The following LCLAT1 variants were observed in gnomAD, a reference collection of about 807,000 sequenced individuals.
LCLAT1 encodes 1-AGP acyltransferase 8.
LCLAT1 carries 11 observed loss-of-function variants against 30.7 expected under a neutral mutation model. That is an observed-to-expected ratio of 0.36 (90% CI 0.23 to 0.59). The LOEUF is 0.59. LCLAT1 is among the 20% of genes least tolerant of loss of function. LCLAT1 has a pLI of 0.77. For missense variants in LCLAT1, 402 were observed against 458.6 expected (o/e 0.88, Z 1.13); for synonymous variants, 155 against 151.3 (o/e 1.02, Z -0.18).
At chr2:30,629,514 C>T (rs757734333) in intron 5 of LCLAT1, among the ~76,000 whole-genome samples, 3 of 152,066 alleles carry the variant, frequency 2.0e-5, no homozygotes, top group Non-Finnish European at 2.9e-5. Flanking sequence ...GAGCTGAGAT[C>T]GCGCCATTGC....
chr2:30,601,927 T>G (rs1667207082), intron 5 of LCLAT1, among the ~76,000 whole-genome samples: 1 of 146,102 alleles, frequency 6.8e-6, no homozygotes, highest in Non-Finnish European at 1.5e-5. Flanking sequence ...TATAAAAACT[T>G]CAAAACAGTC....
chr2:30,509,167 G>C (rs1684818159), intron 1 of LCLAT1, among the ~76,000 whole-genome samples: 1 of 152,044 alleles, frequency 6.6e-6, no homozygotes, highest in South Asian at 2.1e-4. Flanking sequence ...GGAGTTTTTG[G>C]GCCAAGACTT....
At chr2:30,589,476 A>G (rs1439757115) in intron 5 of LCLAT1, among the ~76,000 whole-genome samples, 1 of 152,124 alleles carries the variant, frequency 6.6e-6, no homozygotes, top group Non-Finnish European at 1.5e-5. Context: ...AAAAAAAAAA[A>G]AGGAGAGAAA....
At chr2:30,632,273 TAAAA>T (rs1220595926) in intron 5 of LCLAT1, among the ~76,000 whole-genome samples, 2 of 152,144 alleles carry the variant, frequency 1.3e-5, no homozygotes, top group Admixed American at 1.3e-4. Context: ...CTTGACTTAA[TAAAA>T]AACAACAACA....
At chr2:30,588,933 A>G (rs1666564997) in intron 5 of LCLAT1, among the ~76,000 whole-genome samples, 1 of 152,228 alleles carries the variant, frequency 6.6e-6, no homozygotes, top group African/African-American at 2.4e-5. Context: ...GCTGTAATGA[A>G]TTAATAAAAG....
intron 5 of LCLAT1, among the ~76,000 whole-genome samples, chr2:30,572,491 A>T (rs1665821758): frequency 6.6e-6 from 1 of 152,196 alleles, no homozygotes; most frequent in Admixed American, 6.5e-5. Context: ...TTCTTTCACC[A>T]TTCATACGTA....
intron 3 of LCLAT1, among the ~76,000 whole-genome samples, chr2:30,534,156 G>A (rs760927374): frequency 1.3e-5 from 2 of 151,838 alleles, no homozygotes; most frequent in Admixed American, 1.3e-4. Flanking sequence ...TGAGGGCAAA[G>A]GGCAGGCCCT....
Position 30,568,177 on chromosome 2 carries a change from G to T in LCLAT1, c.628+1G>T, listed in dbSNP as rs764194047. ...TTTGTGGTAGACCGTCTAAGAGAAG[G>T]TAAGCACCCATTTCAAAATGTACTT... is the stretch of plus-strand genomic sequence containing the variant. On this transcript the variant is annotated splice_donor_variant, in intron 5 of 5. Coordinates refer to ENST00000379509, the MANE Select transcript of LCLAT1 (RefSeq NM_001002257.3). LOFTEE classifies it high-confidence loss of function. 1 of 1,502,350 alleles carries T rather than the reference G, an allele frequency of 6.7e-7. No homozygotes were observed. Among genetic ancestry groups the T allele is most frequent in the Non-Finnish European group, 9.1e-7 (1 of 1,096,954 alleles). 93.1% of individuals were successfully genotyped at this position (1,502,350 alleles called of 1,614,324 possible). A position where few individuals can be genotyped will look rare whatever the true frequency, so the allele number is the denominator to read the frequency against.
intron 1 of LCLAT1, among the ~76,000 whole-genome samples, chr2:30,471,699 T>G (rs1321661300): frequency 6.6e-6 from 1 of 152,238 alleles, no homozygotes; most frequent in Admixed American, 6.5e-5. Flanking sequence ...TACTGGTGCG[T>G]AGAAACATAG....
Position 30,500,333 on chromosome 2 carries a change from C to T in LCLAT1, c.-4-25254C>T, listed in dbSNP as rs575710092. Among the ~76,000 whole-genome samples, 21 of 152,166 alleles carry T rather than the reference C, an allele frequency of 1.4e-4. No homozygotes were observed. In the East Asian group the frequency reaches 3.7e-3, roughly 27 times the overall value. On this transcript the variant is annotated intron_variant, in intron 1 of 5. Transcript: ENST00000379509. ...TCAGTACTTCATGGTTTTTTTGACT[C>T]AGGTTAGAGTTGTTTTGTAGAATAG...
chr2:30,448,370 G>C (rs192477074), intron 1 of LCLAT1, among the ~76,000 whole-genome samples: 1 of 152,206 alleles, frequency 6.6e-6, no homozygotes, highest in South Asian at 2.1e-4. Flanking sequence ...TTTTTTGAGA[G>C]TAAGTAAAAA....
At chr2:30,620,208 C>T (rs1384615062) in intron 5 of LCLAT1, among the ~76,000 whole-genome samples, 1 of 152,228 alleles carries the variant, frequency 6.6e-6, no homozygotes, top group East Asian at 1.9e-4. Context: ...TAGAACTATC[C>T]CCATAACCCA....
At chr2:30,464,531 C>G (rs961364105) in intron 1 of LCLAT1, among the ~76,000 whole-genome samples, 2 of 152,146 alleles carry the variant, frequency 1.3e-5, no homozygotes, top group African/African-American at 4.8e-5. Context: ...CAAAAAGACC[C>G]CTTCTTACCA....
chr2:30,503,977 G>T (rs1684527999), intron 1 of LCLAT1, among the ~76,000 whole-genome samples: 1 of 152,132 alleles, frequency 6.6e-6, no homozygotes, highest in Non-Finnish European at 1.5e-5. Context: ...CGCTTAGCCG[G>T]TCACAGGAGA....
At chr2:30,611,898 G>A (rs1667757394) in intron 5 of LCLAT1, among the ~76,000 whole-genome samples, 1 of 152,120 alleles carries the variant, frequency 6.6e-6, no homozygotes, top group African/African-American at 2.4e-5. Context: ...ATGCCCATAA[G>A]GCAGCAATTA....
intron 5 of LCLAT1, among the ~76,000 whole-genome samples, chr2:30,570,210 A>T (rs899338987): frequency 4.6e-5 from 7 of 152,198 alleles, no homozygotes; most frequent in Non-Finnish European, 1.0e-4. Flanking sequence ...CACAGTATGT[A>T]ATTTTTCCTG....
intron 1 of LCLAT1, among the ~76,000 whole-genome samples, chr2:30,469,574 C>CTTTT (rs199634493): frequency 3.4e-3 from 349 of 103,678 alleles, no homozygotes; most frequent in African/African-American, 8.0e-3. Context: ...CAGGTCTCTT[C>CTTTT]TTTTTTTTTT....
chr2:30,535,969 TAAA>T (rs1191316012), intron 3 of LCLAT1, among the ~76,000 whole-genome samples: 16 of 151,978 alleles, frequency 1.1e-4, no homozygotes. Context: ...GTAGATATCA[TAAA>T]AAAGAATCAA....
At chr2:30,573,275 G>T (rs1665861796) in intron 5 of LCLAT1, among the ~76,000 whole-genome samples, 1 of 152,082 alleles carries the variant, frequency 6.6e-6, no homozygotes, top group Non-Finnish European at 1.5e-5. Context: ...ATACTGGTCT[G>T]GGCCTTCATT....
Sources: allele counts gnomAD v4.1 joint callset (sites outside exome capture counted in the v4.1 genomes callset), GRCh38; gene constraint gnomAD v4.1.1; transcripts MANE v1.5; gene names NCBI Gene and HGNC (gene_info 2026-07-23, HGNC 2026-07-21).